Variants in PXK observed in about 807,000 individuals in gnomAD.
PXK encodes PX domain-containing protein kinase-like protein.
Under a neutral mutation model 84.7 loss-of-function variants are expected in PXK, and 35 were observed. That is an observed-to-expected ratio of 0.41 (90% CI 0.32 to 0.55). PXK has a LOEUF of 0.55. Ranked by LOEUF, PXK falls within the 20% of genes least tolerant of loss-of-function variation. PXK has a pLI of 0.21. For synonymous variants in PXK, 253 were observed against 260.8 expected, an observed-to-expected ratio of 0.97 and a Z score of 0.29; for missense variants, 634 against 699.7, an observed-to-expected ratio of 0.91 and a Z score of 1.06.
At chr3:58,394,969 C>T (rs771684850) in intron 7 of PXK, 29 bp from the exon 8 acceptor site, 1 of 1,534,900 alleles carries the variant, frequency 6.5e-7, no homozygotes, top group African/African-American at 1.4e-5. Flanking sequence ...TGACGCAAAT[C>T]AATGTGAATT....
chr3:58,406,173 G>C (rs1411385902), intron 13 of PXK, among the ~76,000 whole-genome samples: 1 of 152,050 alleles, frequency 6.6e-6, no homozygotes, highest in Non-Finnish European at 1.5e-5. Flanking sequence ...CATTATGTTG[G>C]TCAGGCTGGT....
chr3:58,418,420 G>GT (rs928604859), intron 17 of PXK, among the ~76,000 whole-genome samples: 1 of 152,148 alleles, frequency 6.6e-6, no homozygotes, highest in African/African-American at 2.4e-5. Context: ...AACTTGTTCT[G>GT]TATTTGTTCA....
chr3:58,355,352 C>G (rs997710961), intron 1 of PXK, among the ~76,000 whole-genome samples: 2 of 152,114 alleles, frequency 1.3e-5, no homozygotes, highest in Non-Finnish European at 2.9e-5. Context: ...GTGTCTTTTT[C>G]TGTACTTCAA....
intron 17 of PXK, chr3:58,422,705 A>G (rs1004107032): frequency 1.9e-5 from 19 of 985,286 alleles, no homozygotes; most frequent in Non-Finnish European, 2.3e-5. Context: ...GAGGCCAAGC[A>G]GTTTTGTTCT....
intron 1 of PXK, among the ~76,000 whole-genome samples, chr3:58,343,535 G>A (rs58279771): frequency 0.33 from 49,666 of 152,080 alleles, 9,328 homozygotes; most frequent in East Asian, 0.82. Flanking sequence ...GTGAGCAGTC[G>A]CTGCTCTAGG....
intron 1 of PXK, among the ~76,000 whole-genome samples, chr3:58,356,149 A>C (rs1358957914): frequency 6.6e-6 from 1 of 152,142 alleles, no homozygotes; most frequent in Non-Finnish European, 1.5e-5. Flanking sequence ...CAGTTTGAAA[A>C]ACTTCAGCAC....
chr3:58,395,794 T>G, intron 9 of PXK, 35 bp downstream of exon 9: 1 of 1,534,446 alleles, frequency 6.5e-7, no homozygotes, highest in Non-Finnish European at 9.0e-7. Flanking sequence ...GCATTCAGAT[T>G]TCATCCAAAA....
chr3:58,391,455 A>T (rs2098630656), intron 6 of PXK, among the ~76,000 whole-genome samples: 1 of 151,980 alleles, frequency 6.6e-6, no homozygotes, highest in Non-Finnish European at 1.5e-5. Context: ...ACAGCTTAAA[A>T]TAACTCTCTG....
In PXK at chr3:58,379,746, A is replaced by G. The variant is rs1027933774; in HGVS notation, c.202-2768A>G. 4.6e-5 allele frequency among the ~76,000 whole-genome samples: 7 copies of G among 152,164 alleles called. No individual in the cohort carries two copies. Among genetic ancestry groups the G allele is most frequent in the Admixed American group, 4.6e-4 (7 of 15,272 alleles). ...AAATAAAAAGTAACAGTAGACAACT[A>G]TTTAGAAGGGCTAAAAGATAAAGGA... On this transcript the variant is annotated intron_variant, in intron 3 of 17. Transcript: ENST00000356151. This position sits in a 1 kb window ranked among gnomAD's most constrained non-coding sequence, Gnocchi z 5.1.
intron 1 of PXK, among the ~76,000 whole-genome samples, chr3:58,338,439 G>A (rs1309077370): frequency 1.3e-5 from 2 of 151,420 alleles, no homozygotes; most frequent in African/African-American, 4.9e-5. Context: ...CCTGGCCAAC[G>A]TGGTGAAACC....
rs2098616761 is a variant in PXK at position 58,390,490 on chromosome 3, A to G, written c.389-92A>G. ...ATTAAGTTTTTTAAAAAGGTCATAG[A>G]CTATAGGGATTTCATTTACAAGAAT... is the stretch of plus-strand genomic sequence containing the variant. On this transcript the variant is annotated intron_variant, in intron 4 of 17. Transcript: ENST00000356151. The surrounding 1 kb of genome is among the most constrained non-coding windows in gnomAD (Gnocchi z 4.2). 1 of 832,826 alleles carries G rather than the reference A, an allele frequency of 1.2e-6. No individual in the cohort carries two copies. Among genetic ancestry groups the G allele is most frequent in the Non-Finnish European group, 1.8e-6 (1 of 553,778 alleles). 51.6% of individuals were successfully genotyped at this position (832,826 alleles called of 1,614,324 possible).
chr3:58,397,299 A>G lies in PXK; in HGVS notation c.984+99A>G, dbSNP rs1474111245. 2 of 1,400,308 alleles carry G rather than the reference A, an allele frequency of 1.4e-6. No homozygotes were observed. Among genetic ancestry groups the G allele is most frequent in the African/African-American group, 2.8e-5 (2 of 70,774 alleles). The allele number at this position is 1,400,308 out of a possible 1,614,324, so 86.7% of individuals were successfully genotyped here. A position where few individuals can be genotyped will look rare whatever the true frequency, so the allele number is the denominator to read the frequency against. ...AAATATGCACCAAGTAGTGAAAGGTATAGTTGGGACAGGCCTTGCCCGTCA... is the reference window on the plus strand; with the variant it reads ...AAATATGCACCAAGTAGTGAAAGGTGTAGTTGGGACAGGCCTTGCCCGTCA... On this transcript the variant is annotated intron_variant, in intron 10 of 17. Coordinates refer to ENST00000356151, the MANE Select transcript of PXK (RefSeq NM_017771.5). The surrounding 1 kb of genome is among the most constrained non-coding windows in gnomAD (Gnocchi z 4.7).
chr3:58,390,999 C>G lies in PXK; in HGVS notation c.467-148C>G, dbSNP rs1166503370. The G allele has an allele frequency of 3.3e-6, 2 of 609,902 alleles. No homozygotes were observed. The highest frequency in any genetic ancestry group is 5.9e-5 in the Admixed American group (2 of 34,050). 37.8% of individuals were successfully genotyped at this position (609,902 alleles called of 1,614,324 possible). ...TTTTTAAGTATAGCCTTTACTATGC[C>G]AACGTTATCAAATGGTTCTTTTACT... On this transcript the variant is annotated intron_variant, in intron 5 of 17. Transcript: ENST00000356151. This position sits in a 1 kb window ranked among gnomAD's most constrained non-coding sequence, Gnocchi z 4.2.
At chr3:58,337,818 G>T (rs984260722) in intron 1 of PXK, among the ~76,000 whole-genome samples, 1 of 152,076 alleles carries the variant, frequency 6.6e-6, no homozygotes, top group Non-Finnish European at 1.5e-5. Flanking sequence ...TAGTGGCTTG[G>T]TTTATTGATC....
Position 58,370,997 on chromosome 3 carries a change from C to T in PXK, c.201+1519C>T, listed in dbSNP as rs932030106. Among the ~76,000 whole-genome samples, 2 of 152,142 alleles carry T rather than the reference C, an allele frequency of 1.3e-5. No individual in the cohort carries two copies. Among genetic ancestry groups the T allele is most frequent in the Admixed American group, 6.5e-5 (1 of 15,270 alleles). On this transcript the variant is annotated intron_variant, in intron 3 of 17. Transcript: ENST00000356151. The surrounding 1 kb of genome is among the most constrained non-coding windows in gnomAD (Gnocchi z 4.2). ...CCTGGGCAATAGAGCAAGACTCTGTCTCAAAAAACAAACAAACAAAAAAGG... is the reference window on the plus strand; with the variant it reads ...CCTGGGCAATAGAGCAAGACTCTGTTTCAAAAAACAAACAAACAAAAAAGG...
intron 4 of PXK, among the ~76,000 whole-genome samples, chr3:58,388,156 AC>A (rs1432707723): frequency 1.3e-5 from 2 of 152,172 alleles, no homozygotes; most frequent in Non-Finnish European, 2.9e-5. Flanking sequence ...AGTTTATTTG[AC>A]AGTAAATCAC....
At chr3:58,357,875 G>C (rs557911396) in intron 1 of PXK, among the ~76,000 whole-genome samples, 1 of 152,144 alleles carries the variant, frequency 6.6e-6, no homozygotes, top group Non-Finnish European at 1.5e-5. Flanking sequence ...ATATGAACCC[G>C]GGAAGCAGAG....
At chr3:58,374,043 C>CAAAAA (rs771908415) in intron 3 of PXK, among the ~76,000 whole-genome samples, 2 of 87,714 alleles carry the variant, frequency 2.3e-5, no homozygotes, top group Admixed American at 1.2e-4. Context: ...GACTCCGTCT[C>CAAAAA]AAAAAAAAAA....
At chr3:58,410,635 C>T (rs2060061613) in intron 16 of PXK, among the ~76,000 whole-genome samples, 1 of 152,214 alleles carries the variant, frequency 6.6e-6, no homozygotes, top group Non-Finnish European at 1.5e-5. Context: ...AGAGCACTGT[C>T]CTGAGTTGGC....
Sources: allele counts gnomAD v4.1 joint callset (sites outside exome capture counted in the v4.1 genomes callset), GRCh38; gene constraint gnomAD v4.1.1; non-coding constraint Gnocchi (gnomAD v3.1); transcripts MANE v1.5; gene names NCBI Gene and HGNC (gene_info 2026-07-23, HGNC 2026-07-21).